Variants in FURIN observed in about 807,000 individuals in gnomAD.
The protein encoded by FURIN is furin, paired basic amino acid cleaving enzyme.
Under a neutral mutation model 89.2 loss-of-function variants are expected in FURIN, and 18 were observed. The ratio of observed to expected loss-of-function variants is 0.20; its 90% CI spans 0.14 to 0.30. FURIN has a LOEUF of 0.30. Ranked by LOEUF, FURIN falls within the 10% of genes least tolerant of loss-of-function variation. FURIN has a pLI of 1.00. For missense variants in FURIN, 879 were observed against 1,100.5 expected (o/e 0.80, Z 2.85); for synonymous variants, 508 against 466.4 (o/e 1.09, Z -1.15).
Position 90,881,004 on chromosome 15 carries a change from G to A in FURIN, c.1756G>A (p.Gly586Ser). 1 of 1,614,006 alleles carries A rather than the reference G, an allele frequency of 6.2e-7. No individual in the cohort carries two copies. The highest frequency in any genetic ancestry group is 8.5e-7 in the Non-Finnish European group (1 of 1,179,868). The change falls in exon 15 of 16, where the codon GGC becomes AGC. Residue 586 changes from glycine (G) to serine (S), a missense_variant. This residue lies in a region of FURIN where 457 missense variants were observed against 490.7 expected (regional missense o/e 0.93). Coordinates refer to ENST00000268171, the MANE Select transcript of FURIN (RefSeq NM_002569.4). The surrounding 1 kb of genome is among the most constrained non-coding windows in gnomAD (Gnocchi z 4.3). ...GCTGCCCGTACCTCCAGAAAGCAGTGGCTGCAAGACCCTCACGTCCAGTCA... is the reference window on the plus strand; with the variant it reads ...GCTGCCCGTACCTCCAGAAAGCAGTAGCTGCAAGACCCTCACGTCCAGTCA... ...EGLPVPPESSGCKTLTSSQAC... is the reference protein window; with the variant it reads ...EGLPVPPESSSCKTLTSSQAC...
chr15:90,878,014 C>T (rs1254904427), intron 7 of FURIN, 118 bp from the exon 8 acceptor site: 2 of 929,140 alleles, frequency 2.2e-6, no homozygotes, highest in Non-Finnish European at 3.3e-6. Context: ...TCAGCATCAG[C>T]CTCCACCCTT....
Position 90,875,931 on chromosome 15 carries a change from C to G in FURIN, c.177+14C>G, listed in dbSNP as rs778202139. 25 of 1,562,388 alleles carry G rather than the reference C, an allele frequency of 1.6e-5. No homozygotes were observed. The highest frequency in any genetic ancestry group is 2.1e-5 in the Non-Finnish European group (24 of 1,152,992). ...AACCTGGGCCAGGTAGGTGTTCCCC[C>G]ACAGGACACTGCCAGGGGGTGGGAC... On this transcript the variant is annotated intron_variant, in intron 2 of 15. Coordinates refer to ENST00000268171, the MANE Select transcript of FURIN (RefSeq NM_002569.4).
chr15:90,882,341 C>A lies in FURIN; in HGVS notation c.*463C>A. ...AGGGCTTCTGCACCCTCCACCCTGT[C>A]CCCCAGCTCTGGTGAGTCTTGGCGG... On this transcript the variant is annotated 3_prime_UTR_variant, in exon 16 of 16. Transcript: ENST00000268171. The A allele has an allele frequency of 5.9e-6, 1 of 170,104 alleles. No individual in the cohort carries two copies. The highest frequency in any genetic ancestry group is 1.3e-4 in the South Asian group (1 of 7,492). 10.5% of individuals were successfully genotyped at this position (170,104 alleles called of 1,614,324 possible). A position where few individuals can be genotyped will look rare whatever the true frequency, so the allele number is the denominator to read the frequency against.
At position 90,881,686 on chromosome 15, in the gene FURIN, T is replaced by C. The variant is rs1468492211; in HGVS notation, c.2193T>C (p.Thr731=). The C allele has an allele frequency of 3.1e-6, 5 of 1,588,774 alleles. No homozygotes were observed. In the South Asian group the frequency reaches 3.4e-5, roughly 11 times the overall value. The stretch of plus-strand genomic sequence containing the variant: ...CCTTCATCGTGCTGGTCTTCGTCAC[T>C]GTCTTCCTGGTCCTGCAGCTGCGCT... The part of the protein sequence containing the change: ...SCAFIVLVFV[T]VFLVLQLRSG... Residue 731 remains threonine, a synonymous_variant, in exon 16 of 16, where the codon ACT becomes ACC. Coordinates refer to ENST00000268171, the MANE Select transcript of FURIN (RefSeq NM_002569.4). The surrounding 1 kb of genome is among the most constrained non-coding windows in gnomAD (Gnocchi z 4.3).
At chr15:90,871,577 G>T (rs1288178900) in intron 1 of FURIN, 7 of 148,866 alleles carry the variant, frequency 4.7e-5, no homozygotes, top group Admixed American at 4.7e-4. Context: ...CGGTCGCCTG[G>T]AAAAGTTTCC....
At chr15:90,871,507 G>GCCGGC (rs1350661892) in intron 1 of FURIN, 11 of 149,004 alleles carry the variant, frequency 7.4e-5, no homozygotes, top group East Asian at 2.0e-4. Context: ...CGCTGGGAAC[G>GCCGGC]CGGGCCCGCA....
intron 6 of FURIN, 55 bp from the exon 7 acceptor site, chr15:90,877,472 C>A: frequency 7.2e-7 from 1 of 1,394,590 alleles, no homozygotes; most frequent in South Asian, 1.3e-5. Flanking sequence ...GCCACATCTG[C>A]CGGGCCCTGT....
chr15:90,880,769 C>T lies in FURIN; in HGVS notation c.1635C>T (p.Gly545=), dbSNP rs2151228329. The change falls in exon 14 of 16, where the codon GGC becomes GGT. Residue 545 remains glycine, a synonymous_variant. Transcript: ENST00000268171. ...ATTCCTGGGATGAGGATCCCTCTGG[C>T]GAGTGGGTCCTAGAGATTGAAAACA... ...TTHSWDEDPS[G]EWVLEIENTS... 3 of 1,613,970 alleles carry T rather than the reference C, an allele frequency of 1.9e-6. No individual in the cohort carries two copies. The highest frequency in any genetic ancestry group is 2.2e-5 in the East Asian group (1 of 44,886).
rs894041154 is a variant in FURIN at position 90,881,155 on chromosome 15, G to A, written c.1792+115G>A. ...TCTCAAGAGACCTAGGGCCCCTGGG[G>A]CTCTTGGGATGACCACAGTCCTGGG... On this transcript the variant is annotated intron_variant, in intron 15 of 15. Transcript: ENST00000268171. The surrounding 1 kb of genome is among the most constrained non-coding windows in gnomAD (Gnocchi z 4.3). The A allele has an allele frequency of 3.7e-6, 4 of 1,088,950 alleles. No individual in the cohort carries two copies. In the African/African-American group the frequency reaches 6.3e-5, roughly 17 times the overall value. 67.5% of individuals were successfully genotyped at this position (1,088,950 alleles called of 1,614,324 possible).
chr15:90,876,436 A>G lies in FURIN; in HGVS notation c.277-26A>G. 6.3e-7 allele frequency: 1 copy of G among 1,581,498 alleles called. No individual in the cohort carries two copies. The highest frequency in any genetic ancestry group is 8.7e-7 in the Non-Finnish European group (1 of 1,152,230). ...CCCTCTCGCCTCCTGCTCCACCCAC[A>G]CCATCTCTCCCTCACTCCCCCACAG... On this transcript the variant is annotated intron_variant, in intron 3 of 15. Coordinates refer to ENST00000268171, the MANE Select transcript of FURIN (RefSeq NM_002569.4). This position sits in a 1 kb window ranked among gnomAD's most constrained non-coding sequence, Gnocchi z 5.0.
rs1412515659 is a variant in FURIN at position 90,875,827 on chromosome 15, C to T, written c.87C>T (p.Val29=). 1 of 1,571,218 alleles carries T rather than the reference C, an allele frequency of 6.4e-7. No individual in the cohort carries two copies. Among genetic ancestry groups the T allele is most frequent in the South Asian group, 1.2e-5 (1 of 85,462 alleles). Residue 29 remains valine (V), a synonymous_variant, in exon 2 of 16, where the codon GTC becomes GTT. Coordinates refer to ENST00000268171, the MANE Select transcript of FURIN (RefSeq NM_002569.4). ...CAGCTGATGCTCAGGGCCAGAAGGT[C>T]TTCACCAACACGTGGGCTGTGCGCA... ...LLAADAQGQK[V]FTNTWAVRIP...
At chr15:90,872,021 G>C (rs1225777586) in intron 1 of FURIN, among the ~76,000 whole-genome samples, 2 of 151,334 alleles carry the variant, frequency 1.3e-5, no homozygotes, top group Admixed American at 1.3e-4. Flanking sequence ...TTCCGCAGGC[G>C]CCGGGTGCTC....
chr15:90,868,875 A>C (rs2151216942), intron 1 of FURIN, among the ~76,000 whole-genome samples, 164 bp downstream of exon 1: 1 of 152,302 alleles, frequency 6.6e-6, no homozygotes, highest in South Asian at 2.1e-4. Flanking sequence ...TTTGTTGTGC[A>C]CCCTTCTATG....
intron 6 of FURIN, 37 bp downstream of exon 6, chr15:90,877,248 T>G (rs780257305): frequency 1.7e-5 from 26 of 1,488,218 alleles, no homozygotes; most frequent in Non-Finnish European, 2.4e-5. Context: ...GCCTCCCTTC[T>G]CCTTTCTTCC....
chr15:90,878,644 C>A, intron 8 of FURIN, 120 bp from the exon 9 acceptor site: 2 of 633,888 alleles, frequency 3.2e-6, no homozygotes, highest in Non-Finnish European at 5.6e-6. Context: ...AGGGATCTCA[C>A]AGGGGACAGG....
chr15:90,874,000 G>A (rs775632664), intron 1 of FURIN, among the ~76,000 whole-genome samples: 3 of 152,200 alleles, frequency 2.0e-5, no homozygotes, highest in Non-Finnish European at 4.4e-5. Context: ...CAGGGCCTAC[G>A]TGAGCTGGGG....
Position 90,878,409 on chromosome 15 carries a change from C to T in FURIN, c.840+105C>T, listed in dbSNP as rs889046801. On this transcript the variant is annotated intron_variant, in intron 8 of 15. Coordinates refer to ENST00000268171, the MANE Select transcript of FURIN (RefSeq NM_002569.4). ...TTATTTATTCTCATGTTTAACTTTA[C>T]ACAAAGCATGTTTATTGAAACATTA... The T allele has an allele frequency of 5.2e-6, 5 of 960,690 alleles. No homozygotes were observed. The African/African-American group carries it at 8.2e-5, about 16-fold the overall frequency. The allele number at this position is 960,690 out of a possible 1,614,324, so 59.5% of individuals were successfully genotyped here.
intron 1 of FURIN, among the ~76,000 whole-genome samples, chr15:90,870,445 C>T (rs1044074632): frequency 9.9e-5 from 15 of 152,110 alleles, no homozygotes; most frequent in Admixed American, 6.5e-5. Flanking sequence ...CTCAATGGTG[C>T]CTGGCTCATA....
rs775048274 is a variant in FURIN at position 90,876,489 on chromosome 15, A to G, written c.304A>G (p.Lys102Glu). The change falls in exon 4 of 16, where the codon AAG becomes GAG. Residue 102 changes from lysine to glutamate, a missense_variant. Lys to Glu is a moderately conservative substitution (Grantham distance 56). Around this residue, in one of 5 missense-constraint regions of FURIN, gnomAD observed 139 missense variants for 215.0 expected, o/e 0.65. Transcript: ENST00000268171. The surrounding 1 kb of genome is among the most constrained non-coding windows in gnomAD (Gnocchi z 5.0). ...ACAGTGGCTGGAACAGCAGGTGGCA[A>G]AGCGACGGACTAAACGGGACGTGTA... ...QVQWLEQQVA[K>E]RRTKRDVYQE... is the part of the protein sequence containing the mutation. The G allele has an allele frequency of 1.2e-6, 2 of 1,613,936 alleles. No homozygotes were observed. Among genetic ancestry groups the G allele is most frequent in the Admixed American group, 3.3e-5 (2 of 60,010 alleles).
Sources: gnomAD v4.1 joint callset for allele counts (sites outside exome capture counted in the v4.1 genomes callset) on GRCh38, gnomAD v4.1.1 for gene constraint, gnomAD v4.1.1 regional missense constraint, Gnocchi (gnomAD v3.1) non-coding constraint, MANE v1.5 for transcripts, NCBI Gene and HGNC (gene_info 2026-07-23, HGNC 2026-07-21) for gene names.